The following ARPP21 variants were observed in gnomAD, a reference collection of about 807,000 sequenced individuals.
ARPP21 encodes cAMP regulated phosphoprotein 21.
Under a neutral mutation model 113.2 loss-of-function variants are expected in ARPP21, and 69 were observed. The observed-to-expected ratio is 0.61, with a 90% CI of 0.50 to 0.74. ARPP21 has a LOEUF of 0.74. Ranked by LOEUF, ARPP21 falls within the 30% of genes least tolerant of loss-of-function variation. ARPP21 has a pLI of 0.00. For synonymous variants in ARPP21, 368 were observed against 375.5 expected, an observed-to-expected ratio of 0.98 and a Z score of 0.23; for missense variants, 1,070 against 1,037.4, an observed-to-expected ratio of 1.03 and a Z score of -0.43.
intron 18 of ARPP21, among the ~76,000 whole-genome samples, chr3:35,741,698 A>G (rs1348965929): frequency 6.6e-6 from 1 of 152,144 alleles, no homozygotes; most frequent in East Asian, 1.9e-4. Flanking sequence ...GATTCTCCAT[A>G]TTTTAACATG....
intron 19 of ARPP21, among the ~76,000 whole-genome samples, chr3:35,790,619 T>C (rs2096729170): frequency 6.6e-6 from 1 of 152,128 alleles, no homozygotes. Context: ...TGTTCCCAGG[T>C]CTGATGGTTT....
At chr3:35,702,289 C>A (rs1428463891) in intron 9 of ARPP21, among the ~76,000 whole-genome samples, 1 of 151,590 alleles carries the variant, frequency 6.6e-6, no homozygotes, top group Non-Finnish European at 1.5e-5. Context: ...CATTACATAC[C>A]TTAAATTACT....
At chr3:35,746,558 T>C (rs1287023399) in intron 19 of ARPP21, among the ~76,000 whole-genome samples, 1 of 152,214 alleles carries the variant, frequency 6.6e-6, no homozygotes, top group Non-Finnish European at 1.5e-5. Flanking sequence ...CAGTCATGTT[T>C]TAACTTGTTC....
intron 11 of ARPP21, among the ~76,000 whole-genome samples, chr3:35,713,151 C>T (rs540484488): frequency 1.3e-5 from 2 of 152,116 alleles, no homozygotes; most frequent in African/African-American, 2.4e-5. Flanking sequence ...CTTTTATATC[C>T]GAGAATGCAT....
chr3:35,684,299 G>T, intron 5 of ARPP21: 1 of 1,118,874 alleles, frequency 8.9e-7, no homozygotes, highest in Non-Finnish European at 1.1e-6. Context: ...TACTTTTATG[G>T]CTTTGGTGGA....
intron 19 of ARPP21, among the ~76,000 whole-genome samples, chr3:35,748,153 GAGAA>G (rs1272791388): frequency 1.3e-4 from 18 of 135,082 alleles, no homozygotes; most frequent in African/African-American, 5.0e-4. Flanking sequence ...AAAGGAGAGA[GAGAA>G]AGAACAGAAC....
intron 1 of ARPP21, among the ~76,000 whole-genome samples, chr3:35,676,138 G>A (rs1226055758): frequency 6.6e-6 from 1 of 151,940 alleles, no homozygotes; most frequent in African/African-American, 2.4e-5. Flanking sequence ...GCTCAGTAAA[G>A]ACTTGTTATA....
At chr3:35,762,122 T>TCACA (rs1246202951) in intron 19 of ARPP21, among the ~76,000 whole-genome samples, 6 of 144,390 alleles carry the variant, frequency 4.2e-5, no homozygotes, top group African/African-American at 1.3e-4. Context: ...TCTCTCTCTC[T>TCACA]CTCTCACACA....
At chr3:35,707,611 A>G (rs942335732) in intron 10 of ARPP21, 1 of 449,082 alleles carries the variant, frequency 2.2e-6, no homozygotes, top group Non-Finnish European at 4.5e-6. Context: ...TTCATGTTTT[A>G]GTCTTTTATC....
intron 19 of ARPP21, among the ~76,000 whole-genome samples, chr3:35,749,683 T>C (rs1178469605): frequency 6.6e-6 from 1 of 152,146 alleles, no homozygotes; most frequent in Admixed American, 6.5e-5. Context: ...GAAACATTTT[T>C]TTAACTTTGT....
At chr3:35,757,506 A>G (rs1038736251) in intron 19 of ARPP21, among the ~76,000 whole-genome samples, 3 of 152,128 alleles carry the variant, frequency 2.0e-5, no homozygotes, top group Non-Finnish European at 4.4e-5. Context: ...ACAAAAAAAT[A>G]AATCCGAGAA....
intron 15 of ARPP21, among the ~76,000 whole-genome samples, chr3:35,731,007 A>T (rs376894100): frequency 6.6e-5 from 10 of 152,222 alleles, no homozygotes; most frequent in African/African-American, 2.4e-4. Flanking sequence ...AATCAAAAGA[A>T]CACTAGGATC....
At chr3:35,712,693 A>T (rs1388525451) in intron 11 of ARPP21, among the ~76,000 whole-genome samples, 9 of 152,160 alleles carry the variant, frequency 5.9e-5, no homozygotes, top group South Asian at 2.1e-4. Context: ...AGATTTTGAG[A>T]TAAGACAAAT....
chr3:35,748,113 G>GAAAGAAA, intron 19 of ARPP21, among the ~76,000 whole-genome samples: 1 of 87,608 alleles, frequency 1.1e-5, no homozygotes, highest in Non-Finnish European at 2.1e-5. Flanking sequence ...AAAGAAAGAA[G>GAAAGAAA]AAAGAAAGAA....
At chr3:35,750,626 TTATGTTTA>T (rs1253916832) in intron 19 of ARPP21, among the ~76,000 whole-genome samples, 26 of 152,104 alleles carry the variant, frequency 1.7e-4, no homozygotes, top group Non-Finnish European at 2.9e-5. Context: ...TTTTCTGTTT[TTATGTTTA>T]CAGTTCCATC....
intron 19 of ARPP21, among the ~76,000 whole-genome samples, chr3:35,757,254 G>A (rs575725128): frequency 3.3e-4 from 50 of 151,818 alleles, no homozygotes; most frequent in African/African-American, 1.2e-3. Flanking sequence ...GTAAAGATAC[G>A]GTCTTGTTAT....
At chr3:35,737,923 C>A (rs925037635) in intron 16 of ARPP21, among the ~76,000 whole-genome samples, 1 of 152,196 alleles carries the variant, frequency 6.6e-6, no homozygotes. Flanking sequence ...ATTTTAAATT[C>A]TTGATATTAC....
intron 19 of ARPP21, among the ~76,000 whole-genome samples, chr3:35,772,518 GTCCAGCAC>G (rs1291404782): frequency 1.3e-5 from 2 of 152,284 alleles, no homozygotes; most frequent in South Asian, 2.1e-4. Flanking sequence ...TTGGTGATTA[GTCCAGCAC>G]TCCAGCACTC....
chr3:35,756,570 C>T (rs2095578333), intron 19 of ARPP21, among the ~76,000 whole-genome samples: 1 of 152,054 alleles, frequency 6.6e-6, no homozygotes, highest in Non-Finnish European at 1.5e-5. Flanking sequence ...CAGTGACTCC[C>T]ACCAATCCCT....
Sources: gnomAD v4.1 joint callset for allele counts (sites outside exome capture counted in the v4.1 genomes callset) on GRCh38, gnomAD v4.1.1 for gene constraint, MANE v1.5 for transcripts, NCBI Gene and HGNC (gene_info 2026-07-23, HGNC 2026-07-21) for gene names.